EXD3: variants seen among roughly 807,000 people sequenced by gnomAD.
EXD3 encodes exonuclease 3'-5' domain containing 3, also known as exonuclease mut-7 homolog.
EXD3 carries 92 observed loss-of-function variants against 98.0 expected under a neutral mutation model. The ratio of observed to expected loss-of-function variants is 0.94; its 90% CI spans 0.79 to 1.12. EXD3 has a LOEUF of 1.12. Ranked by LOEUF, EXD3 falls within the 50% of genes most tolerant of loss-of-function variation. The pLI, the probability that EXD3 is intolerant of heterozygous loss-of-function variation, is 0.00. For missense variants in EXD3, 1,222 were observed against 1,191.6 expected (o/e 1.03, Z -0.38); for synonymous variants, 569 against 526.0 (o/e 1.08, Z -1.12).
In EXD3 at chr9:137,349,413, T is replaced by G. The variant is rs773036256; in HGVS notation, c.1613A>C (p.Asn538Thr). ...TALDKTQQLS[N>T]WDRRPLCEEQ... Reference sequence around the variant, plus strand: ...CTCGCAGAGCGGCCTCCGGTCCCAGTTGGACAGCTGCTGCGTCTTGTCCAG... The same window carrying G: ...CTCGCAGAGCGGCCTCCGGTCCCAGGTGGACAGCTGCTGCGTCTTGTCCAG... The change falls in exon 15 of 22, where the codon AAC (asparagine) becomes ACC (threonine). Residue 538 changes from asparagine to threonine, a missense_variant. By Grantham distance (65) the Asn-to-Thr change is moderately conservative (BLOSUM62 0). Transcript: ENST00000340951. This position sits in a 1 kb window ranked among gnomAD's most constrained non-coding sequence, Gnocchi z 7.4. The G allele has an allele frequency of 1.3e-6, 2 of 1,599,316 alleles. No individual in the cohort carries two copies.
intron 1 of EXD3, among the ~76,000 whole-genome samples, chr9:137,417,106 C>G (rs1299178820): frequency 6.6e-6 from 1 of 152,198 alleles, no homozygotes; most frequent in Non-Finnish European, 1.5e-5. Flanking sequence ...AGCTCCCGGG[C>G]AAAGCCGGGG....
In EXD3 at chr9:137,324,245, C is replaced by T. The variant is rs1053222359; in HGVS notation, c.1999-102G>A. The T allele has an allele frequency of 2.3e-5, 23 of 1,004,802 alleles. No individual in the cohort carries two copies. The African/African-American group carries it at 3.4e-4, about 15-fold the overall frequency. The allele number at this position is 1,004,802 out of a possible 1,614,324, so 62.2% of individuals were successfully genotyped here. On this transcript the variant is annotated intron_variant, in intron 17 of 21. Coordinates refer to ENST00000340951, the MANE Select transcript of EXD3 (RefSeq NM_017820.5). This position sits in a 1 kb window ranked among gnomAD's most constrained non-coding sequence, Gnocchi z 4.1. ...CCTAGCTCCCCGGATCGTGGCCCTG[C>T]CCCAGGCCCCTTTTGTCCTCCAGGG...
At chr9:137,318,319 C>T (rs1443706607) in intron 19 of EXD3, among the ~76,000 whole-genome samples, 3 of 152,116 alleles carry the variant, frequency 2.0e-5, no homozygotes, top group Admixed American at 6.5e-5. Context: ...CCCCGGCTGC[C>T]GGCACCCCCC....
intron 1 of EXD3, among the ~76,000 whole-genome samples, chr9:137,408,317 G>A (rs1837829777): frequency 1.3e-5 from 2 of 152,040 alleles, no homozygotes; most frequent in African/African-American, 4.8e-5. Flanking sequence ...GGGAAGCTGA[G>A]GCGGGAGGAT....
rs1297956105 is a variant in EXD3 at position 137,395,187 on chromosome 9, C to A, written c.55+116G>T. On this transcript the variant is annotated intron_variant, in intron 2 of 21. Coordinates refer to ENST00000340951, the MANE Select transcript of EXD3 (RefSeq NM_017820.5). This position sits in a 1 kb window ranked among gnomAD's most constrained non-coding sequence, Gnocchi z 6.5. ...CTGTAGAGAGGCCCGCAGCTAGGGGCCAGCAGCCTGGCCCTCGTCACTGAG... is the reference window on the plus strand; with the variant it reads ...CTGTAGAGAGGCCCGCAGCTAGGGGACAGCAGCCTGGCCCTCGTCACTGAG... 5.2e-6 allele frequency: 5 copies of A among 960,780 alleles called. No homozygotes were observed. Among genetic ancestry groups the A allele is most frequent in the African/African-American group, 4.8e-5 (3 of 62,302 alleles). 59.5% of individuals were successfully genotyped at this position (960,780 alleles called of 1,614,324 possible).
Position 137,393,372 on chromosome 9 carries a change from A to T in EXD3, c.55+1931T>A. On this transcript the variant is annotated intron_variant, in intron 2 of 21. Transcript: ENST00000340951. The surrounding 1 kb of genome is among the most constrained non-coding windows in gnomAD (Gnocchi z 4.6). ...AGGCCCGGGGCCCGCAGATGGCCTC[A>T]GAGGAGGCGGTGGATGAACGGAAGG... 1.5e-6 allele frequency: 1 copy of T among 649,296 alleles called. No homozygotes were observed. 40.2% of individuals were successfully genotyped at this position (649,296 alleles called of 1,614,324 possible).
At chr9:137,327,505 T>G (rs530644605) in intron 17 of EXD3, among the ~76,000 whole-genome samples, 1 of 152,140 alleles carries the variant, frequency 6.6e-6, no homozygotes, top group Non-Finnish European at 1.5e-5. Flanking sequence ...ACAGTGAATG[T>G]GCTAATGCCA....
chr9:137,352,297 G>A, intron 11 of EXD3, 96 bp from the exon 12 acceptor site: 1 of 1,533,218 alleles, frequency 6.5e-7, no homozygotes, highest in Non-Finnish European at 8.9e-7. Context: ...CTGTTTGGTG[G>A]GGGCATCTCA....
chr9:137,327,312 T>C (rs1270812364), intron 17 of EXD3, among the ~76,000 whole-genome samples: 1 of 152,012 alleles, frequency 6.6e-6, no homozygotes, highest in African/African-American at 2.4e-5. Flanking sequence ...ATTTTGTATT[T>C]CTAATAGAGA....
chr9:137,312,422 C>T (rs1045619086), intron 19 of EXD3, among the ~76,000 whole-genome samples: 1 of 152,220 alleles, frequency 6.6e-6, no homozygotes, highest in African/African-American at 2.4e-5. Flanking sequence ...GCCGTGCCAG[C>T]CCTGACACAG....
At position 137,407,092 on chromosome 9, in the gene EXD3, G is replaced by A. The variant is rs961154629; in HGVS notation, c.-47-11688C>T. Among the ~76,000 whole-genome samples, 29 of 152,270 alleles carry A rather than the reference G, an allele frequency of 1.9e-4. No individual in the cohort carries two copies. Among genetic ancestry groups the A allele is most frequent in the African/African-American group, 6.3e-4 (26 of 41,558 alleles). ...CAGAGGCACCGGAGCGGGCGGGCGG[G>A]GGCGGCCTGCGGAGCAGCCAGTCCC... On this transcript the variant is annotated intron_variant, in intron 1 of 21. Transcript: ENST00000340951. This position sits in a 1 kb window ranked among gnomAD's most constrained non-coding sequence, Gnocchi z 4.4.
At position 137,407,073 on chromosome 9, in the gene EXD3, C is replaced by T. The variant is rs1055477021; in HGVS notation, c.-47-11669G>A. ...CAGCAAACCCGCCCGTTCACAGAGGCACCGGAGCGGGCGGGCGGGGGCGGC... is the reference window on the plus strand; with the variant it reads ...CAGCAAACCCGCCCGTTCACAGAGGTACCGGAGCGGGCGGGCGGGGGCGGC... On this transcript the variant is annotated intron_variant, in intron 1 of 21. Transcript: ENST00000340951. This position sits in a 1 kb window ranked among gnomAD's most constrained non-coding sequence, Gnocchi z 4.4. Among the ~76,000 whole-genome samples the T allele has an allele frequency of 5.9e-5, 9 of 152,178 alleles. No individual in the cohort carries two copies. The highest frequency in any genetic ancestry group is 1.3e-4 in the Non-Finnish European group (9 of 68,016).
intron 16 of EXD3, 141 bp from the exon 17 acceptor site, chr9:137,348,379 A>G: frequency 9.7e-7 from 1 of 1,030,128 alleles, no homozygotes; most frequent in Non-Finnish European, 1.4e-6. Flanking sequence ...TGCTGTGCAT[A>G]AAACAGCAGA....
At chr9:137,327,467 A>C (rs1458961919) in intron 17 of EXD3, among the ~76,000 whole-genome samples, 2 of 152,098 alleles carry the variant, frequency 1.3e-5, no homozygotes, top group Non-Finnish European at 2.9e-5. Context: ...CCAGTTCTGG[A>C]AAGGGGTGGT....
chr9:137,329,786 A>ACTACACGGGG (rs1588270837), intron 17 of EXD3, among the ~76,000 whole-genome samples: 1 of 13,116 alleles, frequency 7.6e-5, no homozygotes. Context: ...ACTACACGGG[A>ACTACACGGGG]CTACACGGGA....
chr9:137,322,502 G>A (rs1397155534), intron 19 of EXD3, among the ~76,000 whole-genome samples: 16 of 95,398 alleles, frequency 1.7e-4, no homozygotes, highest in Admixed American at 4.6e-4. Context: ...ATGCTCTGCC[G>A]ACACCTCACC....
At position 137,407,692 on chromosome 9, in the gene EXD3, C is replaced by T. The variant is rs942526414; in HGVS notation, c.-47-12288G>A. 2.6e-5 allele frequency among the ~76,000 whole-genome samples: 4 copies of T among 152,224 alleles called. No homozygotes were observed. The highest frequency in any genetic ancestry group is 5.9e-5 in the Non-Finnish European group (4 of 68,048). On this transcript the variant is annotated intron_variant, in intron 1 of 21. Coordinates refer to ENST00000340951, the MANE Select transcript of EXD3 (RefSeq NM_017820.5). This position sits in a 1 kb window ranked among gnomAD's most constrained non-coding sequence, Gnocchi z 4.4. ...TCCACCATCCAAGCATAAACCCCAA[C>T]GCAGCGGCTCCTGGCCTGGTTCTGA...
intron 1 of EXD3, among the ~76,000 whole-genome samples, chr9:137,421,923 G>T (rs1838538863): frequency 6.6e-6 from 1 of 152,060 alleles, no homozygotes; most frequent in Non-Finnish European, 1.5e-5. Flanking sequence ...GAACAGGTTT[G>T]TTTTTTTCAT....
At chr9:137,332,607 G>A (rs1287330560) in intron 17 of EXD3, among the ~76,000 whole-genome samples, 1 of 151,880 alleles carries the variant, frequency 6.6e-6, no homozygotes, top group Non-Finnish European at 1.5e-5. Context: ...ACTTTGGGAG[G>A]CCAAGGCGGG....
Sources: gnomAD v4.1 joint callset for allele counts (sites outside exome capture counted in the v4.1 genomes callset) on GRCh38, gnomAD v4.1.1 for gene constraint, Gnocchi (gnomAD v3.1) non-coding constraint, MANE v1.5 for transcripts, NCBI Gene and HGNC (gene_info 2026-07-23, HGNC 2026-07-21) for gene names.